AHI1: variants seen among roughly 807,000 people sequenced by gnomAD.
The protein encoded by AHI1 is jouberin.
A neutral mutation model predicts 149.3 loss-of-function variants in AHI1; 123 were observed. That is an observed-to-expected ratio of 0.82 (90% CI 0.71 to 0.96). The LOEUF (loss-of-function observed/expected upper bound fraction) is 0.96, where lower values mean the gene tolerates loss of function less well. Ranked by LOEUF, AHI1 falls within the 40% of genes least tolerant of loss-of-function variation. AHI1 has a pLI of 0.00. For missense variants in AHI1, 1,439 were observed against 1,422.7 expected, an observed-to-expected ratio of 1.01 and a Z score of -0.18; for synonymous variants, 475 against 459.8, an observed-to-expected ratio of 1.03 and a Z score of -0.42.
intron 23 of AHI1, among the ~76,000 whole-genome samples, chr6:135,376,274 AAC>A (rs1038529252): frequency 6.6e-6 from 1 of 152,190 alleles, no homozygotes; most frequent in African/African-American, 2.4e-5. Context: ...CTAAGTAAGG[AAC>A]ACACACAAAG....
intron 5 of AHI1, among the ~76,000 whole-genome samples, chr6:135,482,312 A>C (rs1176529449): frequency 2.0e-5 from 3 of 152,208 alleles, no homozygotes; most frequent in Non-Finnish European, 4.4e-5. Flanking sequence ...AGTATAAACA[A>C]AAAGCCTAGT....
At chr6:135,482,802 G>A (rs1335027293) in intron 5 of AHI1, among the ~76,000 whole-genome samples, 1 of 150,802 alleles carries the variant, frequency 6.6e-6, no homozygotes, top group Admixed American at 6.6e-5. Flanking sequence ...TATATTGTTG[G>A]TGGCTGGATT....
intron 20 of AHI1, among the ~76,000 whole-genome samples, chr6:135,425,653 C>T (rs972015233): frequency 6.6e-6 from 1 of 151,724 alleles, no homozygotes; most frequent in Non-Finnish European, 1.5e-5. Context: ...AATGGAGCTT[C>T]AGGAAGGCAA....
In AHI1 at chr6:135,480,981, C is replaced by T. The variant is rs143661900; in HGVS notation, c.135+9642G>A. 1.6e-3 allele frequency among the ~76,000 whole-genome samples: 246 copies of T among 152,330 alleles called. 1 individual carries two copies. The highest frequency in any genetic ancestry group is 5.7e-3 in the African/African-American group (235 of 41,572). ...ACACTTTCATCCTGAAACCATCCCC[C>T]CCGGCCCACTCCATGGAAAAATTGT... On this transcript the variant is annotated intron_variant, in intron 5 of 28. Coordinates refer to ENST00000265602, the MANE Select transcript of AHI1 (RefSeq NM_001134831.2).
chr6:135,355,973 T>G (rs1026558756), intron 24 of AHI1, among the ~76,000 whole-genome samples: 1 of 152,218 alleles, frequency 6.6e-6, no homozygotes, highest in African/African-American at 2.4e-5. Flanking sequence ...ATTTGCTCAC[T>G]TCCCTCACCC....
chr6:135,313,224 GA>G (rs1318598073), intron 26 of AHI1, among the ~76,000 whole-genome samples: 1 of 152,084 alleles, frequency 6.6e-6, no homozygotes, highest in Non-Finnish European at 1.5e-5. Flanking sequence ...CTCTCACTGG[GA>G]AGTAAAATAC....
At chr6:135,354,586 G>C (rs1792669694) in intron 24 of AHI1, among the ~76,000 whole-genome samples, 1 of 152,082 alleles carries the variant, frequency 6.6e-6, no homozygotes, top group African/African-American at 2.4e-5. Context: ...TCAAACTTGT[G>C]CTGACTTAAC....
At chr6:135,404,564 G>A (rs1780482783) in intron 22 of AHI1, among the ~76,000 whole-genome samples, 1 of 152,144 alleles carries the variant, frequency 6.6e-6, no homozygotes, top group South Asian at 2.1e-4. Flanking sequence ...AATCATTTAT[G>A]TACAGCTTGC....
In AHI1 at chr6:135,384,589, C is replaced by A. The variant is rs1218109894; in HGVS notation, c.3109+10187G>T. Reference sequence around the variant, plus strand: ...AATCAAAATTGCTTATTAATAACATCTTCAAAATCATGATGATGAAATGCC... The same window carrying A: ...AATCAAAATTGCTTATTAATAACATATTCAAAATCATGATGATGAAATGCC... On this transcript the variant is annotated intron_variant, in intron 23 of 28. Coordinates refer to ENST00000265602, the MANE Select transcript of AHI1 (RefSeq NM_001134831.2). 2.6e-5 allele frequency among the ~76,000 whole-genome samples: 4 copies of A among 152,154 alleles called. 1 individual carries two copies. In the East Asian group the frequency reaches 7.7e-4, roughly 29 times the overall value.
At chr6:135,380,736 C>A (rs1327622904) in intron 23 of AHI1, among the ~76,000 whole-genome samples, 1 of 115,518 alleles carries the variant, frequency 8.7e-6, no homozygotes, top group African/African-American at 4.2e-5. Context: ...AAATAACCCC[C>A]CCCCCCCCAA....
chr6:135,301,728 C>T (rs1783902303), intron 26 of AHI1: 2 of 985,296 alleles, frequency 2.0e-6, no homozygotes, highest in South Asian at 4.7e-5. Context: ...GGTAGAACAA[C>T]AAAAGAACCC....
At chr6:135,330,074 C>T (rs377149095) in intron 24 of AHI1, among the ~76,000 whole-genome samples, 34 of 152,304 alleles carry the variant, frequency 2.2e-4, no homozygotes, top group Admixed American at 8.5e-4. Context: ...ATCTACTCCT[C>T]GTGAAGATGC....
At chr6:135,492,973 C>T in intron 3 of AHI1, 1 of 905,298 alleles carries the variant, frequency 1.1e-6, no homozygotes, top group Non-Finnish European at 1.3e-6. Flanking sequence ...GAGACTAAAA[C>T]TGAAGAGTGT....
At position 135,466,002 on chromosome 6, in the gene AHI1, T is replaced by A. The variant is rs762187786; in HGVS notation, c.561A>T (p.Glu187Asp). The change falls in exon 7 of 29, where the codon GAA becomes GAT. Residue 187 changes from glutamate to aspartate, a missense_variant. By Grantham distance (45) the Glu-to-Asp change is conservative. Coordinates refer to ENST00000265602, the MANE Select transcript of AHI1 (RefSeq NM_001134831.2). Reference sequence around the variant, plus strand: ...CATGGCACTGATATGCTTGCATCAATTCTTCATCCTCTTCTAAATCAGTCT... The same window carrying A: ...CATGGCACTGATATGCTTGCATCAAATCTTCATCCTCTTCTAAATCAGTCT... ...REETDLEEDEELMQAYQCHVT... is the reference protein window; with the variant it reads ...REETDLEEDEDLMQAYQCHVT... 6.2e-7 allele frequency: 1 copy of A among 1,614,012 alleles called. No homozygotes were observed. The highest frequency in any genetic ancestry group is 8.5e-7 in the Non-Finnish European group (1 of 1,179,880).
chr6:135,447,388 G>A (rs181564924), intron 12 of AHI1, among the ~76,000 whole-genome samples: 2 of 152,208 alleles, frequency 1.3e-5, no homozygotes, highest in East Asian at 3.9e-4. Context: ...GAAAAAATAT[G>A]ACCACAAAGG....
intron 23 of AHI1, among the ~76,000 whole-genome samples, chr6:135,375,217 TAA>T (rs1234825333): frequency 6.6e-6 from 1 of 152,130 alleles, no homozygotes; most frequent in Non-Finnish European, 1.5e-5. Flanking sequence ...TTTTAATTTT[TAA>T]AAAGTTTTTT....
At chr6:135,401,017 G>A (rs1475894376) in intron 22 of AHI1, among the ~76,000 whole-genome samples, 1 of 152,100 alleles carries the variant, frequency 6.6e-6, no homozygotes, top group African/African-American at 2.4e-5. Context: ...AAATTGTTGA[G>A]ACCTGTCTCA....
At chr6:135,408,175 G>GTTAA (rs1176932040) in intron 21 of AHI1, among the ~76,000 whole-genome samples, 1 of 152,140 alleles carries the variant, frequency 6.6e-6, no homozygotes, top group Non-Finnish European at 1.5e-5. Flanking sequence ...ATTCCAGGAT[G>GTTAA]TTAAGTTTTA....
At chr6:135,380,058 CTTT>C (rs1261994779) in intron 23 of AHI1, among the ~76,000 whole-genome samples, 3 of 143,628 alleles carry the variant, frequency 2.1e-5, no homozygotes, top group Non-Finnish European at 4.6e-5. Flanking sequence ...CTTTCTTCTT[CTTT>C]GTCGTCATCT....
Sources: gnomAD v4.1 joint callset for allele counts (sites outside exome capture counted in the v4.1 genomes callset) on GRCh38, gnomAD v4.1.1 for gene constraint, MANE v1.5 for transcripts, NCBI Gene and HGNC (gene_info 2026-07-23, HGNC 2026-07-21) for gene names.